Variants in FBLN5 observed in about 807,000 individuals in gnomAD.
FBLN5 encodes fibulin 5, also known as fibulin-5.
A neutral mutation model predicts 61.6 loss-of-function variants in FBLN5; 24 were observed. The ratio of observed to expected loss-of-function variants is 0.39; its 90% CI spans 0.28 to 0.55. FBLN5 has a LOEUF of 0.55. Among genes scored for constraint, FBLN5 ranks in the 20% least tolerant of loss-of-function variants. The pLI is 0.65. For missense variants in FBLN5, 470 were observed against 594.1 expected, an observed-to-expected ratio of 0.79 and a Z score of 2.17; for synonymous variants, 213 against 219.8, an observed-to-expected ratio of 0.97 and a Z score of 0.27.
intron 9 of FBLN5, among the ~76,000 whole-genome samples, chr14:91,879,295 A>G (rs751232156): frequency 2.0e-5 from 3 of 152,192 alleles, no homozygotes; most frequent in Non-Finnish European, 4.4e-5. Context: ...TGGAAATGAA[A>G]GGAATGCCTT....
Position 91,882,906 on chromosome 14 carries a change from C to A in FBLN5, c.862+48G>T, listed in dbSNP as rs1342313496. 3.0e-5 allele frequency: 49 copies of A among 1,607,702 alleles called. No homozygotes were observed. Among genetic ancestry groups the A allele is most frequent in the Non-Finnish European group, 4.2e-5 (49 of 1,176,170 alleles). ...ATATCCAGATGAGCCCCTGAAGCAG[C>A]TCCACCTCACACATACACCCCAGCC... On this transcript the variant is annotated intron_variant, in intron 8 of 10. Transcript: ENST00000342058. The surrounding 1 kb of genome is among the most constrained non-coding windows in gnomAD (Gnocchi z 4.9).
At chr14:91,874,206 G>T (rs1332835359) in intron 10 of FBLN5, 1 of 152,166 alleles carries the variant, frequency 6.6e-6, no homozygotes, top group Non-Finnish European at 1.5e-5. Flanking sequence ...TGAGAGCCTG[G>T]ATGGCCATCC....
At chr14:91,880,994 C>T (rs1352708612) in intron 9 of FBLN5, among the ~76,000 whole-genome samples, 2 of 152,126 alleles carry the variant, frequency 1.3e-5, no homozygotes, top group Admixed American at 1.3e-4. Context: ...ACACTTTGCA[C>T]TGCAAACCAG....
At chr14:91,871,103 C>A (rs76347065) in intron 10 of FBLN5, among the ~76,000 whole-genome samples, 35 of 151,238 alleles carry the variant, frequency 2.3e-4, no homozygotes, top group African/African-American at 8.0e-4. Context: ...CAAACTCCTA[C>A]GACACAGTAA....
rs1364800194 is a variant in FBLN5, at chr14:91,905,674, G to A, written c.380-10602C>T. Among the ~76,000 whole-genome samples, 4 of 151,804 alleles carry A rather than the reference G, an allele frequency of 2.6e-5. No individual in the cohort carries two copies. The Middle Eastern group carries it at 0.014, about 523-fold the overall frequency. ...GGCTCACTGCAACCTCCACCTCCTG[G>A]GTTCAAGCGATTCTCCTGCCTCAGC... On this transcript the variant is annotated intron_variant, in intron 4 of 10. Transcript: ENST00000342058.
chr14:91,913,717 T>C (rs1487128478), intron 4 of FBLN5, among the ~76,000 whole-genome samples: 1 of 152,250 alleles, frequency 6.6e-6, no homozygotes, highest in Non-Finnish European at 1.5e-5. Flanking sequence ...AAATGACATC[T>C]ACATTCTTGG....
In FBLN5 at chr14:91,947,432, C is replaced by A. The variant is rs987241036; in HGVS notation, c.-203G>T. 13 of 649,246 alleles carry A rather than the reference C, an allele frequency of 2.0e-5. No homozygotes were observed. Among genetic ancestry groups the A allele is most frequent in the African/African-American group, 3.7e-5 (2 of 54,640 alleles). The allele number at this position is 649,246 out of a possible 1,614,324, so 40.2% of individuals were successfully genotyped here. ...CACTGCAGAGCCCTCAGCGCAAGCACCTGGTTTTGCTTAGCCCTCTTCAGT... is the reference window on the plus strand; with the variant it reads ...CACTGCAGAGCCCTCAGCGCAAGCAACTGGTTTTGCTTAGCCCTCTTCAGT... On this transcript the variant is annotated 5_prime_UTR_variant, in exon 1 of 11. Transcript: ENST00000342058. The surrounding 1 kb of genome is among the most constrained non-coding windows in gnomAD (Gnocchi z 4.3).
At chr14:91,875,679 C>T (rs1889131856) in intron 10 of FBLN5, among the ~76,000 whole-genome samples, 1 of 152,204 alleles carries the variant, frequency 6.6e-6, no homozygotes. Context: ...TGCTCCTCCC[C>T]TGCCAGCCCT....
At chr14:91,884,875 G>T (rs767984873) in intron 7 of FBLN5, among the ~76,000 whole-genome samples, 2 of 152,224 alleles carry the variant, frequency 1.3e-5, no homozygotes, top group African/African-American at 2.4e-5. Flanking sequence ...CTTTGCTTAG[G>T]GCTGTGGCTC....
chr14:91,939,402 C>T (rs934037898), intron 3 of FBLN5, among the ~76,000 whole-genome samples: 4 of 146,944 alleles, frequency 2.7e-5, no homozygotes, highest in East Asian at 2.0e-4. Context: ...TACAGTGGTG[C>T]GATCTCAGCT....
At chr14:91,936,267 C>T (rs2056013654) in intron 4 of FBLN5, among the ~76,000 whole-genome samples, 1 of 152,208 alleles carries the variant, frequency 6.6e-6, no homozygotes, top group South Asian at 2.1e-4. Flanking sequence ...TCTTAAGAGA[C>T]AAGGTGTCAC....
At chr14:91,884,197 A>T (rs1595299436) in intron 7 of FBLN5, among the ~76,000 whole-genome samples, 1 of 151,118 alleles carries the variant, frequency 6.6e-6, no homozygotes, top group African/African-American at 2.4e-5. Context: ...AGAAGGAAAA[A>T]CTCCTTCCTG....
chr14:91,939,131 A>G (rs2056066704), intron 3 of FBLN5, among the ~76,000 whole-genome samples: 1 of 152,134 alleles, frequency 6.6e-6, no homozygotes. Flanking sequence ...TATAATTTAA[A>G]AGCTAAATAC....
In FBLN5 at chr14:91,895,521, G is replaced by A. The variant is rs201222350; in HGVS notation, c.380-449C>T. Reference sequence around the variant, plus strand: ...AGAAGTAAAGGAAATGTCCCCAGCTGGGCATGGTGGCTCACGCCTGTAATC... The same window carrying A: ...AGAAGTAAAGGAAATGTCCCCAGCTAGGCATGGTGGCTCACGCCTGTAATC... On this transcript the variant is annotated intron_variant, in intron 4 of 10. Coordinates refer to ENST00000342058, the MANE Select transcript of FBLN5 (RefSeq NM_006329.4). 1.1e-4 allele frequency among the ~76,000 whole-genome samples: 17 copies of A among 152,204 alleles called. No individual in the cohort carries two copies. The East Asian group carries it at 3.1e-3, about 28-fold the overall frequency.
Position 91,942,925 on chromosome 14 carries a change from T to G in FBLN5, c.54A>C (p.Pro18=), listed in dbSNP as rs748040891. The G allele has an allele frequency of 6.5e-7, 1 of 1,548,794 alleles. No individual in the cohort carries two copies. The highest frequency in any genetic ancestry group is 8.7e-7 in the Non-Finnish European group (1 of 1,143,596). ...LTVTILALCL[P]SPGNAQAQCT... ...ATCTTACCTGTGCATTCCCAGGGCT[T>G]GGAAGACAGAGAGCCAGAATGGTAA... Residue 18 remains proline (P), a synonymous_variant, in exon 2 of 11, where the codon CCA becomes CCC. Coordinates refer to ENST00000342058, the MANE Select transcript of FBLN5 (RefSeq NM_006329.4).
chr14:91,883,543 T>C (rs1000069928), intron 7 of FBLN5, among the ~76,000 whole-genome samples: 1 of 150,680 alleles, frequency 6.6e-6, no homozygotes, highest in Admixed American at 6.7e-5. Context: ...TCCCCTCCAA[T>C]CACCTCTTTC....
intron 4 of FBLN5, among the ~76,000 whole-genome samples, chr14:91,897,151 C>T (rs1040423621): frequency 2.6e-5 from 4 of 152,024 alleles, no homozygotes; most frequent in Admixed American, 6.6e-5. Flanking sequence ...GCCAAGATGA[C>T]GGCAGCCTCC....
intron 6 of FBLN5, 91 bp from the exon 7 acceptor site, chr14:91,887,403 AC>A: frequency 1.5e-6 from 2 of 1,337,572 alleles, no homozygotes; most frequent in African/African-American, 1.4e-5. Context: ...GAAATCTACC[AC>A]CACCAGGAGA....
At chr14:91,913,861 C>T (rs1891067857) in intron 4 of FBLN5, among the ~76,000 whole-genome samples, 1 of 152,160 alleles carries the variant, frequency 6.6e-6, no homozygotes, top group African/African-American at 2.4e-5. Context: ...CATTCAGAAA[C>T]TCACCACTAA....
Sources: allele counts gnomAD v4.1 joint callset (sites outside exome capture counted in the v4.1 genomes callset), GRCh38; gene constraint gnomAD v4.1.1; non-coding constraint Gnocchi (gnomAD v3.1); transcripts MANE v1.5; gene names NCBI Gene and HGNC (gene_info 2026-07-23, HGNC 2026-07-21).